The following GRK1 variants were observed in gnomAD, a reference collection of about 807,000 sequenced individuals.
GRK1 encodes G protein-coupled receptor kinase 1.
GRK1 carries 28 observed loss-of-function variants against 41.7 expected under a neutral mutation model. That is an observed-to-expected ratio of 0.67 (90% CI 0.50 to 0.92). The LOEUF (loss-of-function observed/expected upper bound fraction) is 0.92. Ranked by LOEUF, GRK1 falls within the 40% of genes least tolerant of loss-of-function variation. The pLI is 0.00. For synonymous variants in GRK1, 327 were observed against 286.7 expected (o/e 1.14, Z -1.42); for missense variants, 703 against 671.2 (o/e 1.05, Z -0.52).
At chr13:113,651,644 C>T in the GRK1 span, 2 of 1,583,766 alleles carry the variant, frequency 1.3e-6, no homozygotes, top group Non-Finnish European at 1.7e-6. Flanking sequence ...CCTGGGGCAG[C>T]CCTGCCCGCC....
At chr13:113,660,589 G>A in the GRK1 span, among the ~76,000 whole-genome samples, 1 of 152,256 alleles carries the variant, frequency 6.6e-6, no homozygotes, top group Admixed American at 6.5e-5. Context: ...ACAAAGCTGG[G>A]TGTTTTGGCT....
chr13:113,669,375 C>T lies in GRK1; in HGVS notation c.700-312C>T, dbSNP rs117152362. Among the ~76,000 whole-genome samples, 306 of 152,330 alleles carry T rather than the reference C, an allele frequency of 2.0e-3. 6 individuals carry two copies. The East Asian group carries it at 0.049, about 24-fold the overall frequency. On this transcript the variant is annotated intron_variant, in intron 1 of 6. Transcript: ENST00000335678. ...GGGCTGTGGCTGCAGGATTGCTGGG[C>T]AGGCGGGGCTGGCAGGGTCCTCACC...
At chr13:113,728,413 T>C (rs371098061) in intron 4 of GRK1, among the ~76,000 whole-genome samples, 1,282 of 99,428 alleles carry the variant, frequency 0.013, 17 homozygotes, top group Non-Finnish European at 0.017. Context: ...GTACCCATGG[T>C]GATGAGGAGT....
At chr13:113,729,314 AAC>A (rs774614960) in intron 4 of GRK1, among the ~76,000 whole-genome samples, 21 of 152,368 alleles carry the variant, frequency 1.4e-4, no homozygotes, top group Middle Eastern at 3.4e-3. Flanking sequence ...GCGGAGCCAG[AAC>A]ACAGAGCGTG....
At chr13:113,669,883 GCTC>G in intron 2 of GRK1, 69 bp downstream of exon 2, 1 of 1,584,488 alleles carries the variant, frequency 6.3e-7, no homozygotes, top group Non-Finnish European at 8.6e-7. Flanking sequence ...CAGGGCCCGG[GCTC>G]CTTTCCACAG....
upstream of GRK1, among the ~76,000 whole-genome samples, chr13:113,662,399 G>A (rs1014112362): frequency 5.9e-5 from 9 of 152,168 alleles, no homozygotes; most frequent in Non-Finnish European, 8.8e-5. Context: ...CCCCAAGACC[G>A]GGAACAAGCC....
At chr13:113,662,222 T>C (rs1198871713), upstream of GRK1, among the ~76,000 whole-genome samples, 5 of 152,118 alleles carry the variant, frequency 3.3e-5, no homozygotes, top group African/African-American at 7.2e-5. Context: ...AACCACACAA[T>C]CATATCAATC....
At chr13:113,733,671 A>ATGTATGTATG (rs2049960608) in intron 6 of GRK1, among the ~76,000 whole-genome samples, 4 of 58,060 alleles carry the variant, frequency 6.9e-5, no homozygotes, top group East Asian at 6.1e-4. Flanking sequence ...GCGTGTGTGC[A>ATGTATGTATG]CGTGTGTGCA....
chr13:113,656,529 T>C, the GRK1 span, among the ~76,000 whole-genome samples: 1 of 152,014 alleles, frequency 6.6e-6, no homozygotes, highest in African/African-American at 2.4e-5. Context: ...TGCACCACGG[T>C]GTTCAGGGCA....
At chr13:113,652,292 C>T in the GRK1 span, among the ~76,000 whole-genome samples, 2 of 152,216 alleles carry the variant, frequency 1.3e-5, no homozygotes, top group Admixed American at 6.5e-5. Context: ...CCCTGGCTGA[C>T]GGGGACCCGT....
At chr13:113,724,757 T>C (rs376354579) in intron 4 of GRK1, among the ~76,000 whole-genome samples, 24 of 152,316 alleles carry the variant, frequency 1.6e-4, no homozygotes, top group African/African-American at 5.5e-4. Context: ...GGGTGGCACC[T>C]GCTTTTCGTG....
upstream of GRK1, among the ~76,000 whole-genome samples, chr13:113,666,923 CA>C (rs1222382232): frequency 6.6e-6 from 1 of 152,212 alleles, no homozygotes; most frequent in African/African-American, 2.4e-5. Flanking sequence ...CCCAAGGAAA[CA>C]GCAGGCTTGA....
At position 113,737,053 on chromosome 13, in the gene GRK1, T is replaced by G. The variant is rs951118751; in HGVS notation, c.*1690T>G. On this transcript the variant is annotated 3_prime_UTR_variant, in exon 7 of 7. Transcript: ENST00000335678. ...GCTGCAGTGGGCAGGGCCTATGCCC[T>G]CACAGTCCTCAGGCTGCCAGGTCGT... The G allele has an allele frequency of 6.6e-6, 1 of 152,434 alleles. No individual in the cohort carries two copies. The highest frequency in any genetic ancestry group is 1.5e-5 in the Non-Finnish European group (1 of 68,166). 9.4% of individuals were successfully genotyped at this position (152,434 alleles called of 1,614,324 possible).
rs2140731460 is a variant in GRK1 at position 113,731,463 on chromosome 13, G to A, written c.1194+120G>A. ...TGGGAGTTGTTCTGTGGGCCCTGGG[G>A]TGGGGAGGGCACAGATTCACGTGCT... On this transcript the variant is annotated intron_variant, in intron 5 of 6. Coordinates refer to ENST00000335678, the MANE Select transcript of GRK1 (RefSeq NM_002929.3). This position sits in a 1 kb window ranked among gnomAD's most constrained non-coding sequence, Gnocchi z 5.6. 1 of 1,387,060 alleles carries A rather than the reference G, an allele frequency of 7.2e-7. No homozygotes were observed. The highest frequency in any genetic ancestry group is 9.7e-7 in the Non-Finnish European group (1 of 1,034,726). 85.9% of individuals were successfully genotyped at this position (1,387,060 alleles called of 1,614,324 possible). A position where few individuals can be genotyped will look rare whatever the true frequency, so the allele number is the denominator to read the frequency against.
At chr13:113,667,203 C>T, upstream of GRK1, 1 of 604,330 alleles carries the variant, frequency 1.7e-6, no homozygotes, top group Non-Finnish European at 2.8e-6. The surrounding 1 kb of genome is among the most constrained non-coding windows in gnomAD (Gnocchi z 7.5). Context: ...CAGCCCCGGG[C>T]TCCCAGGGGC....
chr13:113,733,620 TGC>T (rs1220121564), intron 6 of GRK1, among the ~76,000 whole-genome samples: 2 of 150,038 alleles, frequency 1.3e-5, no homozygotes, highest in South Asian at 2.1e-4. Flanking sequence ...TGTATGTGTG[TGC>T]ATACGTGTGT....
upstream of GRK1, among the ~76,000 whole-genome samples, chr13:113,662,768 C>A (rs1479840362): frequency 6.6e-6 from 1 of 152,016 alleles, no homozygotes; most frequent in Non-Finnish European, 1.5e-5. Flanking sequence ...ATGCTGAAAC[C>A]CATGTAATAT....
chr13:113,669,839 A>AG, intron 2 of GRK1, 25 bp downstream of exon 2: 1 of 1,612,706 alleles, frequency 6.2e-7, no homozygotes, highest in Non-Finnish European at 8.5e-7. Context: ...AGAGGGCACG[A>AG]GGGGGCCCCG....
upstream of GRK1, among the ~76,000 whole-genome samples, chr13:113,663,610 C>T (rs1225713869): frequency 3.3e-5 from 5 of 152,190 alleles, no homozygotes; most frequent in African/African-American, 1.2e-4. Flanking sequence ...AAACTCATGA[C>T]AGGAAAGCAA....
Sources: allele counts gnomAD v4.1 joint callset (sites outside exome capture counted in the v4.1 genomes callset), GRCh38; gene constraint gnomAD v4.1.1; non-coding constraint Gnocchi (gnomAD v3.1); transcripts MANE v1.5; gene names NCBI Gene and HGNC (gene_info 2026-07-23, HGNC 2026-07-21).